Variants in WDR70 observed in about 807,000 individuals in gnomAD.
WDR70 encodes WD repeat-containing protein 70.
In WDR70, 53 loss-of-function variants were observed where a neutral mutation model predicts 88.6. The ratio of observed to expected loss-of-function variants is 0.60; its 90% CI spans 0.48 to 0.75. The LOEUF (loss-of-function observed/expected upper bound fraction) is 0.75. Ranked by LOEUF, WDR70 falls within the 30% of genes least tolerant of loss-of-function variation. WDR70 has a pLI of 0.00. For missense variants in WDR70, 610 were observed against 823.2 expected (o/e 0.74, Z 3.17); for synonymous variants, 280 against 270.0 (o/e 1.04, Z -0.36).
chr5:37,552,869 C>T (rs1170093926), intron 9 of WDR70, among the ~76,000 whole-genome samples: 1 of 152,174 alleles, frequency 6.6e-6, no homozygotes, highest in Non-Finnish European at 1.5e-5. Flanking sequence ...TAAGTTACAG[C>T]AATAGGATGG....
intron 9 of WDR70, among the ~76,000 whole-genome samples, chr5:37,602,139 A>G (rs1430798828): frequency 6.6e-6 from 1 of 152,148 alleles, no homozygotes; most frequent in Non-Finnish European, 1.5e-5. Flanking sequence ...TGATGGGTGC[A>G]GCAAACCACC....
intron 16 of WDR70, 73 bp from the exon 17 acceptor site, chr5:37,726,810 A>G (rs1289358669): frequency 2.1e-6 from 3 of 1,415,166 alleles, no homozygotes; most frequent in Non-Finnish European, 2.8e-6. Context: ...AGATAAGTAC[A>G]GTGTACACAG....
rs549595843 is a variant in WDR70 at position 37,636,999 on chromosome 5, T to G, written c.1092+31761T>G. ...ATTAGGGGAAGCTGTGATATGGACC[T>G]CTCTAACATTTTTAACAACTTTTTG... is the stretch of plus-strand genomic sequence containing the variant. On this transcript the variant is annotated intron_variant, in intron 10 of 17. Transcript: ENST00000265107. Among the ~76,000 whole-genome samples, 5 of 152,288 alleles carry G rather than the reference T, an allele frequency of 3.3e-5. 1 individual carries two copies. In the East Asian group the frequency reaches 9.6e-4, roughly 29 times the overall value.
At chr5:37,678,881 G>T (rs1746325203) in intron 10 of WDR70, among the ~76,000 whole-genome samples, 2 of 152,204 alleles carry the variant, frequency 1.3e-5, no homozygotes, top group Non-Finnish European at 2.9e-5. Flanking sequence ...ATCAGACGTA[G>T]ATTTGGTCTT....
At chr5:37,701,252 CTT>C (rs1747153638) in intron 12 of WDR70, 110 bp downstream of exon 12, 2 of 668,944 alleles carry the variant, frequency 3.0e-6, no homozygotes, top group East Asian at 5.8e-5. Context: ...GGAAAAGAGA[CTT>C]GAGAGAGTGA....
At chr5:37,429,362 A>G (rs1281264758) in intron 5 of WDR70, among the ~76,000 whole-genome samples, 1 of 152,052 alleles carries the variant, frequency 6.6e-6, no homozygotes, top group Non-Finnish European at 1.5e-5. Context: ...TTTTGATAAA[A>G]TATGTCAGTT....
intron 9 of WDR70, among the ~76,000 whole-genome samples, chr5:37,524,837 C>CT: frequency 6.6e-6 from 1 of 152,228 alleles, no homozygotes; most frequent in South Asian, 2.1e-4. Context: ...ATCCTAGTCT[C>CT]TGATAAAACA....
intron 9 of WDR70, among the ~76,000 whole-genome samples, chr5:37,560,309 G>GT (rs76674490): frequency 0.17 from 26,458 of 151,614 alleles, 2,401 homozygotes; most frequent in South Asian, 0.27. Context: ...TCAATGAATT[G>GT]TTTTTTTTAC....
intron 17 of WDR70, among the ~76,000 whole-genome samples, chr5:37,744,785 T>A (rs1748591535): frequency 6.6e-6 from 1 of 151,876 alleles, no homozygotes; most frequent in Non-Finnish European, 1.5e-5. Flanking sequence ...TGGGACTTCA[T>A]TAAAAAAACG....
At chr5:37,664,049 A>G (rs1745771390) in intron 10 of WDR70, among the ~76,000 whole-genome samples, 1 of 152,168 alleles carries the variant, frequency 6.6e-6, no homozygotes, top group African/African-American at 2.4e-5. Context: ...GGAACTGCCC[A>G]TACCAAAGCC....
chr5:37,405,459 C>T (rs1030818973), intron 5 of WDR70, among the ~76,000 whole-genome samples: 6 of 151,828 alleles, frequency 4.0e-5, no homozygotes, highest in Admixed American at 2.0e-4. Flanking sequence ...AAGCGATTCT[C>T]CTGCCTCAGC....
At chr5:37,521,460 C>T (rs1741083246) in intron 9 of WDR70, among the ~76,000 whole-genome samples, 1 of 151,994 alleles carries the variant, frequency 6.6e-6, no homozygotes, top group African/African-American at 2.4e-5. Context: ...TACACTGTAC[C>T]CAATGGGTAG....
intron 10 of WDR70, among the ~76,000 whole-genome samples, chr5:37,685,151 C>T (rs1412354758): frequency 6.6e-6 from 1 of 152,018 alleles, no homozygotes; most frequent in African/African-American, 2.4e-5. Flanking sequence ...GGCTGATGGG[C>T]TCTGTGCCCA....
At chr5:37,480,135 G>T in intron 8 of WDR70, 148 bp downstream of exon 8, 4 of 1,059,402 alleles carry the variant, frequency 3.8e-6, no homozygotes, top group Non-Finnish European at 5.3e-6. Context: ...GGATTGATTG[G>T]GTGGTTCTGC....
chr5:37,673,493 G>T (rs558451632), intron 10 of WDR70, among the ~76,000 whole-genome samples: 50 of 151,722 alleles, frequency 3.3e-4, no homozygotes, highest in African/African-American at 1.1e-3. Flanking sequence ...TTCCACAGTG[G>T]TTGAACTAAT....
chr5:37,648,989 G>A (rs1244583073), intron 10 of WDR70, among the ~76,000 whole-genome samples: 2 of 152,126 alleles, frequency 1.3e-5, no homozygotes, highest in Non-Finnish European at 1.5e-5. Flanking sequence ...TAGGAATGAC[G>A]TAAAGCTAAA....
chr5:37,673,620 A>G (rs1008521907), intron 10 of WDR70, among the ~76,000 whole-genome samples: 25 of 110,636 alleles, frequency 2.3e-4, no homozygotes, highest in African/African-American at 8.2e-4. Flanking sequence ...TCCAACTTTT[A>G]TTTGAAGTTC....
intron 13 of WDR70, among the ~76,000 whole-genome samples, chr5:37,705,394 CTGGAAGACAAA>C (rs1350776081): frequency 3.3e-5 from 5 of 152,004 alleles, no homozygotes; most frequent in Non-Finnish European, 7.4e-5. Context: ...CTGAGAAAAG[CTGGAAGACAAA>C]TTATGAGATC....
intron 17 of WDR70, among the ~76,000 whole-genome samples, chr5:37,744,587 T>C (rs1748586778): frequency 6.6e-6 from 1 of 151,846 alleles, no homozygotes; most frequent in Admixed American, 6.6e-5. Context: ...GAGAGGAACA[T>C]AAATGACCTG....
Sources: allele counts gnomAD v4.1 joint callset (sites outside exome capture counted in the v4.1 genomes callset), GRCh38; gene constraint gnomAD v4.1.1; transcripts MANE v1.5; gene names NCBI Gene and HGNC (gene_info 2026-07-23, HGNC 2026-07-21).